The following MASP1 variants were observed in gnomAD, a reference collection of about 807,000 sequenced individuals.
MASP1 encodes MBL associated serine protease 1.
A neutral mutation model predicts 77.1 loss-of-function variants in MASP1; 59 were observed. That is an observed-to-expected ratio of 0.77 (90% CI 0.62 to 0.95). MASP1 has a LOEUF of 0.95. Among genes scored for constraint, MASP1 ranks in the 40% least tolerant of loss-of-function variants. The pLI is 0.00. For missense variants in MASP1, 885 were observed against 912.9 expected (o/e 0.97, Z 0.39); for synonymous variants, 362 against 354.5 (o/e 1.02, Z -0.24).
intron 1 of MASP1, chr3:187,291,408 GA>G: frequency 1.6e-6 from 1 of 624,740 alleles, no homozygotes; most frequent in East Asian, 2.8e-5. Flanking sequence ...GGATTTGCAC[GA>G]AGTCTCCCGT....
In MASP1 at chr3:187,286,216, GGAATATAGTAACTA is replaced by G. The variant is rs200435117; in HGVS notation, c.6-174_6-161del. On this transcript the variant is annotated intron_variant, in intron 1 of 10. Coordinates refer to ENST00000296280, the MANE Select transcript of MASP1 (RefSeq NM_139125.4). ...CCTTGCCTCCTCAGTCTGTATTATG[GGAATATAGTAACTA>G]GATAATTTCTAAGATTTCTTCTGGT... 3.8e-3 allele frequency: 2,534 copies of G among 667,940 alleles called. 75 individuals are homozygous for G. The Admixed American group carries it at 0.054, about 14-fold the overall frequency. 41.4% of individuals were successfully genotyped at this position (667,940 alleles called of 1,614,324 possible).
intron 1 of MASP1, among the ~76,000 whole-genome samples, chr3:187,288,227 G>C (rs1718011933): frequency 6.6e-6 from 1 of 152,172 alleles, no homozygotes; most frequent in South Asian, 2.1e-4. Flanking sequence ...ATCTGTGGAA[G>C]GAGGGCCTCA....
At chr3:187,229,637 A>C (rs572492277), downstream of MASP1, 4 of 1,308,586 alleles carry the variant, frequency 3.1e-6, no homozygotes, top group Non-Finnish European at 1.1e-6. Context: ...AACTCTTTCT[A>C]CCGCACTGTG....
exon 16 of MASP1, chr3:187,220,018 T>A: frequency 6.3e-7 from 1 of 1,588,602 alleles, no homozygotes; most frequent in Non-Finnish European, 8.6e-7. Flanking sequence ...CGGAGGATCG[T>A]CCTCTGCTAC....
intron 1 of MASP1, among the ~76,000 whole-genome samples, chr3:187,289,675 C>T (rs560161952): frequency 6.6e-5 from 10 of 152,246 alleles, no homozygotes; most frequent in Middle Eastern, 3.4e-3. Context: ...CAGATCATTC[C>T]GACGTACAGT....
chr3:187,237,370 T>A (rs1434749619), intron 10 of MASP1, among the ~76,000 whole-genome samples: 1 of 152,234 alleles, frequency 6.6e-6, no homozygotes, highest in Admixed American at 6.5e-5. Flanking sequence ...CACACGGACT[T>A]AACAGATATT....
chr3:187,266,037 C>T (rs774018388), intron 2 of MASP1, among the ~76,000 whole-genome samples: 1 of 152,114 alleles, frequency 6.6e-6, no homozygotes, highest in Non-Finnish European at 1.5e-5. Flanking sequence ...TTGGACTGTC[C>T]CCTCTCAGAG....
chr3:187,279,550 G>A (rs1036674372), intron 2 of MASP1, among the ~76,000 whole-genome samples: 6 of 152,270 alleles, frequency 3.9e-5, no homozygotes, highest in Non-Finnish European at 7.4e-5. Flanking sequence ...TTGACCACAC[G>A]TATGTGATTT....
chr3:187,251,863 G>T (rs1031518289), intron 6 of MASP1, 111 bp from the exon 7 acceptor site: 2 of 830,976 alleles, frequency 2.4e-6, no homozygotes, highest in South Asian at 1.4e-5. Flanking sequence ...ATGGAACTGG[G>T]TATTGGAGGC....
At chr3:187,254,364 G>A (rs190478009) in intron 5 of MASP1, among the ~76,000 whole-genome samples, 34 of 152,250 alleles carry the variant, frequency 2.2e-4, no homozygotes, top group African/African-American at 7.7e-4. Context: ...TGTAGGATGA[G>A]TATGAGCCTA....
intron 5 of MASP1, among the ~76,000 whole-genome samples, chr3:187,253,703 A>G (rs779840487): frequency 1.3e-5 from 2 of 152,182 alleles, no homozygotes; most frequent in African/African-American, 2.4e-5. Context: ...ATGGATGAAG[A>G]CGGAAGTCAT....
At chr3:187,222,271 A>G (rs1249806906) in intron 14 of MASP1, among the ~76,000 whole-genome samples, 1 of 152,044 alleles carries the variant, frequency 6.6e-6, no homozygotes, top group Non-Finnish European at 1.5e-5. Flanking sequence ...CACATCCATA[A>G]CTACTTTCTG....
downstream of MASP1, among the ~76,000 whole-genome samples, chr3:187,230,716 G>C (rs571052337): frequency 2.0e-5 from 3 of 152,224 alleles, no homozygotes; most frequent in Non-Finnish European, 4.4e-5. Flanking sequence ...AATAGCCCTC[G>C]GAGACCATCT....
chr3:187,219,083 T>C (rs1347586897), exon 16 of MASP1: 1 of 152,206 alleles, frequency 6.6e-6, no homozygotes, highest in Non-Finnish European at 1.5e-5. Context: ...TCCCATGTCC[T>C]TGGGAACCCA....
intron 5 of MASP1, among the ~76,000 whole-genome samples, chr3:187,253,966 C>T (rs1714851585): frequency 6.6e-6 from 1 of 151,196 alleles, no homozygotes; most frequent in African/African-American, 2.4e-5. Context: ...TGTAACAAAC[C>T]TGCATGTTCT....
At chr3:187,291,581 A>G in intron 1 of MASP1, 47 bp downstream of exon 1, 1 of 1,613,360 alleles carries the variant, frequency 6.2e-7, no homozygotes, top group Non-Finnish European at 8.5e-7. Flanking sequence ...GCTATTTGAC[A>G]CTGGTCCCCA....
intron 5 of MASP1, among the ~76,000 whole-genome samples, chr3:187,255,568 T>C (rs1715002284): frequency 6.6e-6 from 1 of 152,222 alleles, no homozygotes; most frequent in Non-Finnish European, 1.5e-5. Context: ...TGTGGTAGTT[T>C]GCTAACACAG....
In MASP1 at chr3:187,243,540, G is replaced by C. The variant is rs756874505; in HGVS notation, c.1172C>G (p.Ser391Cys). 5 of 1,613,964 alleles carry C rather than the reference G, an allele frequency of 3.1e-6. No individual in the cohort carries two copies. The highest frequency in any genetic ancestry group is 4.2e-6 in the Non-Finnish European group (5 of 1,179,944). Residue 391 changes from serine to cysteine, a missense_variant, in exon 9 of 11, where the codon TCT (serine) becomes TGT (cysteine). By Grantham distance (112) the Ser-to-Cys change is moderately radical. Transcript: ENST00000296280. ...STRNNLTTYK[S>C]EIKYSCQEPY... ...CTCCTGACAGGAGTATTTGATCTCAGACTTGTATGTGGTGAGGTTGTTCCT... is the reference window on the plus strand; with the variant it reads ...CTCCTGACAGGAGTATTTGATCTCACACTTGTATGTGGTGAGGTTGTTCCT...
At position 187,234,426 on chromosome 3, in the gene MASP1, G is replaced by A. The variant is rs1468622457; in HGVS notation, c.*1258C>T. 6 of 1,286,628 alleles carry A rather than the reference G, an allele frequency of 4.7e-6. No individual in the cohort carries two copies. Among genetic ancestry groups the A allele is most frequent in the African/African-American group, 1.5e-5 (1 of 65,788 alleles). 79.7% of individuals were successfully genotyped at this position (1,286,628 alleles called of 1,614,324 possible). On this transcript the variant is annotated 3_prime_UTR_variant, in exon 11 of 11. Coordinates refer to ENST00000296280, the MANE Select transcript of MASP1 (RefSeq NM_139125.4). ...GCTCCAGCTAGAAGGAACCTGCAGG[G>A]GACCTTATGCCAGCCTGTTGCTGAC...
Sources: gnomAD v4.1 joint callset for allele counts (sites outside exome capture counted in the v4.1 genomes callset) on GRCh38, gnomAD v4.1.1 for gene constraint, MANE v1.5 for transcripts, NCBI Gene and HGNC (gene_info 2026-07-23, HGNC 2026-07-21) for gene names.